PIK3R6: variants seen among roughly 807,000 people sequenced by gnomAD.
The protein encoded by PIK3R6 is phosphoinositide-3-kinase regulatory subunit 6.
In PIK3R6, 91 loss-of-function variants were observed where a neutral mutation model predicts 84.9. The ratio of observed to expected loss-of-function variants is 1.07; its 90% CI spans 0.90 to 1.28. PIK3R6 has a LOEUF of 1.28. PIK3R6 is among the 50% of genes most tolerant of loss of function. PIK3R6 has a pLI of 0.00. For synonymous variants in PIK3R6, 416 were observed against 411.4 expected (o/e 1.01, Z -0.13); for missense variants, 996 against 985.1 (o/e 1.01, Z -0.15).
At position 8,803,894 on chromosome 17, in the gene PIK3R6, C is replaced by T; in HGVS notation, c.2108+147G>A. 1 of 686,292 alleles carries T rather than the reference C, an allele frequency of 1.5e-6. No homozygotes were observed. Among genetic ancestry groups the T allele is most frequent in the Non-Finnish European group, 2.6e-6 (1 of 391,814 alleles). The allele number at this position is 686,292 out of a possible 1,614,324, so 42.5% of individuals were successfully genotyped here. On this transcript the variant is annotated intron_variant, in intron 19 of 19. Transcript: ENST00000619866. The surrounding 1 kb of genome is among the most constrained non-coding windows in gnomAD (Gnocchi z 5.0). Reference sequence around the variant, plus strand: ...CAAAGCATAGGGCAGTGGCCTCTGTCCATCCTCACCAAGGTTACCTGCCTG... The same window carrying T: ...CAAAGCATAGGGCAGTGGCCTCTGTTCATCCTCACCAAGGTTACCTGCCTG...
intron 18 of PIK3R6, among the ~76,000 whole-genome samples, chr17:8,813,064 T>C (rs2087406388): frequency 6.6e-6 from 1 of 152,112 alleles, no homozygotes; most frequent in South Asian, 2.1e-4. Context: ...AAGGTATCAT[T>C]ACAATTGATA....
chr17:8,847,447 C>T (rs1401256672), intron 2 of PIK3R6, among the ~76,000 whole-genome samples: 1 of 152,132 alleles, frequency 6.6e-6, no homozygotes, highest in Non-Finnish European at 1.5e-5. Context: ...TCTCAGGTAC[C>T]CCTCTTCTTA....
At chr17:8,818,002 A>C (rs1253601995) in intron 18 of PIK3R6, among the ~76,000 whole-genome samples, 1 of 152,040 alleles carries the variant, frequency 6.6e-6, no homozygotes, top group East Asian at 1.9e-4. Flanking sequence ...GAAGAGGTCA[A>C]AGCTGGGGAA....
intron 7 of PIK3R6, among the ~76,000 whole-genome samples, chr17:8,835,996 C>A (rs745946066): frequency 1.3e-5 from 2 of 152,148 alleles, no homozygotes; most frequent in Non-Finnish European, 2.9e-5. Context: ...CAAGCTGTGC[C>A]TTTCAGGGCC....
In PIK3R6 at chr17:8,828,859, C is replaced by A. The variant is rs1228953934; in HGVS notation, c.1021G>T (p.Gly341Cys). The A allele has an allele frequency of 6.3e-7, 1 of 1,594,680 alleles. No individual in the cohort carries two copies. The change falls in exon 11 of 20, where the codon GGC becomes TGC. Residue 341 changes from glycine to cysteine, a missense_variant. By Grantham distance (159) the Gly-to-Cys change is radical (BLOSUM62 -3). Coordinates refer to ENST00000619866, the MANE Select transcript of PIK3R6 (RefSeq NM_001010855.4). Reference protein sequence around the residue: ...ARVSVLSTDSGIERDLPTGAD... With the variant: ...ARVSVLSTDSCIERDLPTGAD... ...CCCGTGGGAAGGTCCCGCTCAATGCCGCTGTCAGTGGACAGCACAGAAACC... is the reference window on the plus strand; with the variant it reads ...CCCGTGGGAAGGTCCCGCTCAATGCAGCTGTCAGTGGACAGCACAGAAACC...
At position 8,829,756 on chromosome 17, in the gene PIK3R6, A is replaced by G; in HGVS notation, c.839T>C (p.Leu280Pro). The change falls in exon 10 of 20, where the codon CTG (leucine) becomes CCG (proline). Residue 280 changes from leucine to proline, a missense_variant. Coordinates refer to ENST00000619866, the MANE Select transcript of PIK3R6 (RefSeq NM_001010855.4). ...GTGGAAGGTGATGTAGGGGCTGGGC[A>G]GGGGAATGCTTGGTGGCCGCTCTTG... Reference protein sequence around the residue: ...LVQERPPSIPLPSPYITFHLW... With the variant: ...LVQERPPSIPPPSPYITFHLW... The G allele has an allele frequency of 4.5e-6, 7 of 1,553,278 alleles. No homozygotes were observed. The highest frequency in any genetic ancestry group is 6.1e-6 in the Non-Finnish European group (7 of 1,148,170).
chr17:8,866,566 C>T lies in PIK3R6; in HGVS notation c.-92+963G>A, dbSNP rs114851683. Among the ~76,000 whole-genome samples, 1,190 of 152,148 alleles carry T rather than the reference C, an allele frequency of 7.8e-3. 12 individuals are homozygous for T. The highest frequency in any genetic ancestry group is 0.027 in the African/African-American group (1,115 of 41,516). On this transcript the variant is annotated intron_variant, in intron 1 of 19. Coordinates refer to ENST00000619866, the MANE Select transcript of PIK3R6 (RefSeq NM_001010855.4). ...ACAACAACAAAAAAGGACCGGCCTG[C>T]GAGTGCTCCACACACCCCCTCTAGC...
In PIK3R6 at chr17:8,819,253, A is replaced by T. The variant is rs953380264; in HGVS notation, c.1880-55T>A. ...ACCTCCAGGGAAGTAGGGGAGTTTG[A>T]TATTCTAGGTCTCAAGATCTCCAGG... On this transcript the variant is annotated intron_variant, in intron 17 of 19. Coordinates refer to ENST00000619866, the MANE Select transcript of PIK3R6 (RefSeq NM_001010855.4). 8.4e-6 allele frequency: 11 copies of T among 1,315,288 alleles called. No homozygotes were observed. The African/African-American group carries it at 1.2e-4, about 14-fold the overall frequency. The allele number at this position is 1,315,288 out of a possible 1,614,324, so 81.5% of individuals were successfully genotyped here.
chr17:8,851,230 G>T (rs756405293), intron 1 of PIK3R6, among the ~76,000 whole-genome samples: 4 of 152,134 alleles, frequency 2.6e-5, no homozygotes, highest in Admixed American at 6.5e-5. Flanking sequence ...GGGCACGATG[G>T]TTCACTCCTG....
chr17:8,846,239 T>A (rs2088812602), intron 2 of PIK3R6, among the ~76,000 whole-genome samples: 1 of 152,224 alleles, frequency 6.6e-6, no homozygotes. Flanking sequence ...ATTGCTTATG[T>A]TTGTCAACTT....
intron 1 of PIK3R6, among the ~76,000 whole-genome samples, chr17:8,855,658 T>C (rs1459918974): frequency 6.6e-6 from 1 of 152,214 alleles, no homozygotes; most frequent in Admixed American, 6.5e-5. Context: ...GTTTGTTACA[T>C]TGGTATACAC....
At chr17:8,819,344 T>A (rs1252847103) in intron 17 of PIK3R6, 146 bp from the exon 18 acceptor site, 2 of 547,912 alleles carry the variant, frequency 3.7e-6, no homozygotes, top group African/African-American at 3.8e-5. Flanking sequence ...ATCTGCTTGG[T>A]CCCAGCCAAG....
At chr17:8,810,792 T>C (rs1213395802) in intron 18 of PIK3R6, among the ~76,000 whole-genome samples, 1 of 148,828 alleles carries the variant, frequency 6.7e-6, no homozygotes, top group African/African-American at 2.5e-5. Context: ...CTTGGACAGC[T>C]CTGCCCCTAT....
chr17:8,823,026 C>T lies in PIK3R6; in HGVS notation c.1687G>A (p.Val563Met). Residue 563 changes from valine to methionine, a missense_variant, in exon 15 of 20, where the codon GTG becomes ATG. Transcript: ENST00000619866. Reference protein sequence around the residue: ...TEDIFLIELKVKIQDSKFPKD... With the variant: ...TEDIFLIELKMKIQDSKFPKD... ...GGGAATTTAGAATCTTGGATCTTCA[C>T]CTTCAGTTCAATGAGGAAAATGTCC... The T allele has an allele frequency of 1.9e-6, 3 of 1,610,866 alleles. No individual in the cohort carries two copies. Among genetic ancestry groups the T allele is most frequent in the Non-Finnish European group, 2.5e-6 (3 of 1,177,086 alleles).
In PIK3R6 at chr17:8,822,516, C is replaced by T. The variant is rs2087771966; in HGVS notation, c.1788+71G>A. Reference sequence around the variant, plus strand: ...TCCTTTGGCTCTATCTGCTTCCCTGCTTGTCCCAGAGGCCTGCTCCCTCCA... The same window carrying T: ...TCCTTTGGCTCTATCTGCTTCCCTGTTTGTCCCAGAGGCCTGCTCCCTCCA... On this transcript the variant is annotated intron_variant, in intron 16 of 19. Coordinates refer to ENST00000619866, the MANE Select transcript of PIK3R6 (RefSeq NM_001010855.4). 6 of 1,531,470 alleles carry T rather than the reference C, an allele frequency of 3.9e-6. No homozygotes were observed. In the South Asian group the frequency reaches 6.8e-5, roughly 17 times the overall value. The allele number at this position is 1,531,470 out of a possible 1,614,324, so 94.9% of individuals were successfully genotyped here. A position where few individuals can be genotyped will look rare whatever the true frequency, so the allele number is the denominator to read the frequency against.
intron 1 of PIK3R6, among the ~76,000 whole-genome samples, chr17:8,863,769 G>C (rs147028350): frequency 6.6e-6 from 1 of 152,106 alleles, no homozygotes; most frequent in African/African-American, 2.4e-5. Flanking sequence ...TCCTGACCTC[G>C]TGATCCACCC....
chr17:8,828,073 T>A, intron 12 of PIK3R6, 39 bp downstream of exon 12: 1 of 1,598,658 alleles, frequency 6.3e-7, no homozygotes, highest in Admixed American at 1.7e-5. Context: ...CAGCCTGCCC[T>A]GTCTCTGCCC....
intron 17 of PIK3R6, among the ~76,000 whole-genome samples, chr17:8,819,949 A>ATG: frequency 8.3e-6 from 1 of 121,106 alleles, no homozygotes; most frequent in African/African-American, 4.0e-5. Context: ...TTTTATATAT[A>ATG]TATATATTTT....
intron 1 of PIK3R6, among the ~76,000 whole-genome samples, chr17:8,855,628 T>C (rs1222366030): frequency 6.6e-6 from 1 of 152,242 alleles, no homozygotes; most frequent in Admixed American, 6.5e-5. Flanking sequence ...AGTTCTGGGA[T>C]ACATGTGCAG....
Sources: gnomAD v4.1 joint callset for allele counts (sites outside exome capture counted in the v4.1 genomes callset) on GRCh38, gnomAD v4.1.1 for gene constraint, Gnocchi (gnomAD v3.1) non-coding constraint, MANE v1.5 for transcripts, NCBI Gene and HGNC (gene_info 2026-07-23, HGNC 2026-07-21) for gene names.